The following EFNA5 variants were observed in gnomAD, a reference collection of about 807,000 sequenced individuals.
EFNA5 encodes ephrin A5.
A neutral mutation model predicts 22.9 loss-of-function variants in EFNA5; 5 were observed. That is an observed-to-expected ratio of 0.22 (90% CI 0.11 to 0.46). The LOEUF (loss-of-function observed/expected upper bound fraction) is 0.46, where lower values mean the gene tolerates loss of function less well. Ranked by LOEUF, EFNA5 falls within the 20% of genes least tolerant of loss-of-function variation. The pLI is 0.99. For synonymous variants in EFNA5, 113 were observed against 112.2 expected (o/e 1.01, Z -0.04); for missense variants, 237 against 293.3 (o/e 0.81, Z 1.40).
intron 1 of EFNA5, among the ~76,000 whole-genome samples, chr5:107,577,982 C>T (rs74862420): frequency 0.025 from 3,749 of 152,164 alleles, 138 homozygotes; most frequent in African/African-American, 0.085. Context: ...AAGAACATAG[C>T]CTGGGTCCTG....
chr5:107,469,474 G>A (rs1323752613), intron 1 of EFNA5, among the ~76,000 whole-genome samples: 1 of 152,062 alleles, frequency 6.6e-6, no homozygotes, highest in Non-Finnish European at 1.5e-5. Flanking sequence ...GAATGGCTTG[G>A]TTGTTAACAA....
In EFNA5 at chr5:107,427,119, G is replaced by A. The variant is rs944772918; in HGVS notation, c.418+98C>T. On this transcript the variant is annotated intron_variant, in intron 2 of 4. Transcript: ENST00000333274. ...GCATTTACAAGGAGATATCTGTAAT[G>A]CAGAGTCCAGCTCTCTGCAATTCTC... The A allele has an allele frequency of 3.1e-6, 4 of 1,302,618 alleles. No homozygotes were observed. The African/African-American group carries it at 4.4e-5, about 14-fold the overall frequency. The allele number at this position is 1,302,618 out of a possible 1,614,324, so 80.7% of individuals were successfully genotyped here. A position where few individuals can be genotyped will look rare whatever the true frequency, so the allele number is the denominator to read the frequency against.
At chr5:107,638,973 A>G (rs1298854446) in intron 1 of EFNA5, among the ~76,000 whole-genome samples, 1 of 152,234 alleles carries the variant, frequency 6.6e-6, no homozygotes, top group Non-Finnish European at 1.5e-5. Flanking sequence ...AATTAAAATA[A>G]ATGGATTTAA....
chr5:107,492,850 T>G (rs1298815484), intron 1 of EFNA5, among the ~76,000 whole-genome samples: 1 of 151,908 alleles, frequency 6.6e-6, no homozygotes, highest in East Asian at 1.9e-4. Context: ...AATACAAAAA[T>G]TAGCAGAGTG....
chr5:107,564,553 G>T (rs1332217843), intron 1 of EFNA5, among the ~76,000 whole-genome samples: 8 of 151,594 alleles, frequency 5.3e-5, no homozygotes, highest in African/African-American at 1.9e-4. Flanking sequence ...ACAAATGTTT[G>T]TCAAGTGCCA....
In EFNA5 at chr5:107,426,362, G is replaced by A. The variant is rs142578462; in HGVS notation, c.418+855C>T. On this transcript the variant is annotated intron_variant, in intron 2 of 4. Coordinates refer to ENST00000333274, the MANE Select transcript of EFNA5 (RefSeq NM_001962.3). ...CTTGCTACTCAAAGTGTGGTCCACAGTTCAGTAGCAGCAGCAGCATCTGGG... is the reference window on the plus strand; with the variant it reads ...CTTGCTACTCAAAGTGTGGTCCACAATTCAGTAGCAGCAGCAGCATCTGGG... 7.2e-4 allele frequency among the ~76,000 whole-genome samples: 110 copies of A among 152,300 alleles called. No individual in the cohort carries two copies. The East Asian group carries it at 0.019, about 26-fold the overall frequency.
At chr5:107,558,077 C>A (rs115972051) in intron 1 of EFNA5, among the ~76,000 whole-genome samples, 4,313 of 151,862 alleles carry the variant, frequency 0.028, 110 homozygotes, top group Non-Finnish European at 0.035. Flanking sequence ...TATTATTTTG[C>A]ATTTTAAAAA....
intron 1 of EFNA5, among the ~76,000 whole-genome samples, chr5:107,502,743 C>G (rs1410497514): frequency 1.3e-5 from 2 of 152,172 alleles, no homozygotes; most frequent in Non-Finnish European, 2.9e-5. Flanking sequence ...GAGAGCACTT[C>G]TCATTGCCTC....
chr5:107,585,275 C>T lies in EFNA5; in HGVS notation c.125+85214G>A, dbSNP rs6890526. On this transcript the variant is annotated intron_variant, in intron 1 of 4. Coordinates refer to ENST00000333274, the MANE Select transcript of EFNA5 (RefSeq NM_001962.3). ...ATTCTAAGTTAACTTCTAGAAAATA[C>T]CAAGCCCAAGGACCCTCTCATAGGC... Among the ~76,000 whole-genome samples, 1,192 of 152,226 alleles carry T rather than the reference C, an allele frequency of 7.8e-3. 22 individuals are homozygous for T. Among genetic ancestry groups the T allele is most frequent in the African/African-American group, 0.026 (1,089 of 41,534 alleles).
At chr5:107,427,960 T>C (rs549816536) in intron 1 of EFNA5, among the ~76,000 whole-genome samples, 3 of 152,186 alleles carry the variant, frequency 2.0e-5, no homozygotes, top group Non-Finnish European at 4.4e-5. Flanking sequence ...AATGACCGAA[T>C]TGTTTTTTGT....
chr5:107,509,721 G>A (rs942285649), intron 1 of EFNA5, among the ~76,000 whole-genome samples: 1 of 151,968 alleles, frequency 6.6e-6, no homozygotes, highest in African/African-American at 2.4e-5. Flanking sequence ...GAGGAACACT[G>A]GAATACGGCC....
rs1002354576 is a variant in EFNA5, at chr5:107,463,033, A to C, written c.126-35524T>G. Among the ~76,000 whole-genome samples the C allele has an allele frequency of 2.4e-4, 37 of 152,112 alleles. 1 individual carries two copies. The highest frequency in any genetic ancestry group is 8.9e-4 in the African/African-American group (37 of 41,428). The stretch of plus-strand genomic sequence containing the variant: ...ATATGTCATATACTCTCCAGGGTTC[A>C]GTTTCCTCATCTATGAAGCGGGGGA... On this transcript the variant is annotated intron_variant, in intron 1 of 4. Transcript: ENST00000333274.
intron 1 of EFNA5, among the ~76,000 whole-genome samples, chr5:107,653,355 G>A (rs180948525): frequency 6.6e-6 from 1 of 152,230 alleles, no homozygotes; most frequent in African/African-American, 2.4e-5. Context: ...TTTGTAGTCA[G>A]CTTCCCTTTC....
At chr5:107,525,825 A>T (rs1747685956) in intron 1 of EFNA5, among the ~76,000 whole-genome samples, 1 of 152,098 alleles carries the variant, frequency 6.6e-6, no homozygotes, top group Admixed American at 6.5e-5. Context: ...TTTAACTTTT[A>T]TTGAAAAAAA....
chr5:107,546,927 T>A (rs971052597), intron 1 of EFNA5, among the ~76,000 whole-genome samples: 2 of 152,144 alleles, frequency 1.3e-5, no homozygotes, highest in African/African-American at 4.8e-5. Context: ...TAGAGCCAAG[T>A]TGGTGATGAA....
rs1320816930 is a variant in EFNA5, at chr5:107,670,859, T to C, written c.-246A>G. ...ACAAACTCGCACCCCCACTGGAGGG[T>C]TCAGGAGGAAAAAGGAATCACAAGA... On this transcript the variant is annotated 5_prime_UTR_variant, in exon 1 of 5. Transcript: ENST00000333274. The C allele has an allele frequency of 2.0e-6, 1 of 497,084 alleles. No individual in the cohort carries two copies. The highest frequency in any genetic ancestry group is 3.8e-5 in the East Asian group (1 of 26,150). The allele number at this position is 497,084 out of a possible 1,614,324, so 30.8% of individuals were successfully genotyped here.
intron 1 of EFNA5, among the ~76,000 whole-genome samples, chr5:107,482,442 A>G (rs1750494847): frequency 6.6e-6 from 1 of 152,174 alleles, no homozygotes; most frequent in African/African-American, 2.4e-5. Context: ...GTTCTTGTTT[A>G]AACTAGAGAA....
intron 1 of EFNA5, among the ~76,000 whole-genome samples, chr5:107,486,225 C>G (rs911456929): frequency 5.3e-5 from 8 of 152,118 alleles, no homozygotes. Flanking sequence ...TGTGAAAGAG[C>G]ACCCAGGCCC....
chr5:107,661,752 T>G (rs554436176), intron 1 of EFNA5, among the ~76,000 whole-genome samples: 1 of 152,236 alleles, frequency 6.6e-6, no homozygotes, highest in Non-Finnish European at 1.5e-5. Flanking sequence ...CTATACATTA[T>G]TGAGTTCAGT....
Sources: gnomAD v4.1 joint callset for allele counts (sites outside exome capture counted in the v4.1 genomes callset) on GRCh38, gnomAD v4.1.1 for gene constraint, MANE v1.5 for transcripts, NCBI Gene and HGNC (gene_info 2026-07-23, HGNC 2026-07-21) for gene names.